Variants in PKIB observed in about 807,000 individuals in gnomAD.
PKIB encodes the protein PKI-beta.
In PKIB, 2 loss-of-function variants were observed where a neutral mutation model predicts 4.5. The observed-to-expected ratio is 0.44, with a 90% CI of 0.18 to 1.39. PKIB has a LOEUF of 1.39. Among genes scored for constraint, PKIB ranks in the 40% most tolerant of loss-of-function variants. The pLI, the probability that PKIB is intolerant of heterozygous loss-of-function variation, is 0.27. For missense variants in PKIB, 94 were observed against 92.6 expected (o/e 1.02, Z -0.06); for synonymous variants, 38 against 36.0 (o/e 1.06, Z -0.20).
At chr6:122,658,664 G>A (rs1404595062) in intron 2 of PKIB, among the ~76,000 whole-genome samples, 2 of 151,572 alleles carry the variant, frequency 1.3e-5, no homozygotes, top group Admixed American at 1.3e-4. Flanking sequence ...TCTGGGCAGA[G>A]GTCTTTCTGA....
At chr6:122,670,022 C>T (rs1777391549) in intron 2 of PKIB, among the ~76,000 whole-genome samples, 1 of 151,244 alleles carries the variant, frequency 6.6e-6, no homozygotes, top group Non-Finnish European at 1.5e-5. Flanking sequence ...GATGCAGGCC[C>T]CTTCTATCTA....
intron 2 of PKIB, among the ~76,000 whole-genome samples, chr6:122,667,812 G>A (rs1777292677): frequency 6.6e-6 from 1 of 152,164 alleles, no homozygotes. Flanking sequence ...AAAAAGTAAA[G>A]AGAAGCTCTT....
At chr6:122,563,632 T>C (rs748472175) in intron 2 of PKIB, among the ~76,000 whole-genome samples, 21 of 152,040 alleles carry the variant, frequency 1.4e-4, no homozygotes, top group Non-Finnish European at 1.3e-4. Context: ...GGGTGGGTCT[T>C]GCTGCGGCTG....
intron 4 of PKIB, among the ~76,000 whole-genome samples, chr6:122,720,589 C>T (rs567023928): frequency 2.3e-4 from 35 of 151,860 alleles, no homozygotes; most frequent in African/African-American, 8.0e-4. Flanking sequence ...AAATTTTTGT[C>T]TTCAGGATGC....
chr6:122,664,932 A>G (rs1290177050), intron 2 of PKIB, among the ~76,000 whole-genome samples: 1 of 152,214 alleles, frequency 6.6e-6, no homozygotes, highest in Non-Finnish European at 1.5e-5. Context: ...TTTAAAATTC[A>G]AATTTGGACT....
intron 2 of PKIB, among the ~76,000 whole-genome samples, chr6:122,522,678 C>G (rs1045935138): frequency 6.6e-6 from 1 of 152,160 alleles, no homozygotes; most frequent in African/African-American, 2.4e-5. Context: ...TTCCCCAACC[C>G]CTTTTGCTTC....
intron 2 of PKIB, among the ~76,000 whole-genome samples, chr6:122,650,589 T>G (rs1776513483): frequency 6.6e-6 from 1 of 152,184 alleles, no homozygotes; most frequent in Non-Finnish European, 1.5e-5. Flanking sequence ...AATCTTGTCT[T>G]TGATGATTAA....
intron 2 of PKIB, among the ~76,000 whole-genome samples, chr6:122,508,731 A>G (rs1408030729): frequency 6.6e-6 from 1 of 152,116 alleles, no homozygotes; most frequent in African/African-American, 2.4e-5. Context: ...TTGAATTTGA[A>G]ACAATATTAA....
chr6:122,662,269 C>A (rs1239034951), intron 2 of PKIB, among the ~76,000 whole-genome samples: 3 of 135,638 alleles, frequency 2.2e-5, no homozygotes, highest in African/African-American at 8.1e-5. Context: ...TTGCCTAAAC[C>A]AAGGTCTCTT....
intron 2 of PKIB, among the ~76,000 whole-genome samples, chr6:122,665,070 G>C (rs1430810): frequency 0.29 from 43,684 of 151,930 alleles, 6,935 homozygotes; most frequent in Middle Eastern, 0.35. Flanking sequence ...TCCAGTTCTA[G>C]AAAGATCATG....
chr6:122,722,466 A>G (rs75848200), intron 4 of PKIB, among the ~76,000 whole-genome samples: 4,916 of 152,250 alleles, frequency 0.032, 135 homozygotes, highest in Admixed American at 0.045. Context: ...GGGACTTCAT[A>G]TCATCTTCTG....
intron 2 of PKIB, among the ~76,000 whole-genome samples, chr6:122,671,674 T>C (rs976038674): frequency 2.6e-5 from 4 of 152,214 alleles, no homozygotes; most frequent in Non-Finnish European, 2.9e-5. Flanking sequence ...CAGGGTTAAA[T>C]CTGTATTTAA....
chr6:122,532,250 G>T (rs1199087375), intron 2 of PKIB, among the ~76,000 whole-genome samples: 2 of 152,162 alleles, frequency 1.3e-5, no homozygotes, highest in African/African-American at 4.8e-5. Flanking sequence ...GGGGAACTAA[G>T]TAATTAATTC....
chr6:122,489,110 G>A (rs535754466), intron 2 of PKIB, among the ~76,000 whole-genome samples: 20 of 152,022 alleles, frequency 1.3e-4, no homozygotes, highest in Non-Finnish European at 2.6e-4. Context: ...AGTTTCCTTG[G>A]TCCTAAAGTT....
At chr6:122,484,069 G>A (rs1330194783) in intron 2 of PKIB, 1 of 151,834 alleles carries the variant, frequency 6.6e-6, no homozygotes, top group Non-Finnish European at 1.5e-5. Flanking sequence ...ACCTAACCTA[G>A]TGCTTGACAT....
intron 1 of PKIB, among the ~76,000 whole-genome samples, chr6:122,474,139 A>G (rs1032013300): frequency 1.3e-5 from 2 of 152,176 alleles, no homozygotes; most frequent in Non-Finnish European, 2.9e-5. Context: ...GTCTCAAAAC[A>G]AACAAACAAA....
At chr6:122,514,650 A>G (rs1018838888) in intron 2 of PKIB, among the ~76,000 whole-genome samples, 2 of 152,210 alleles carry the variant, frequency 1.3e-5, no homozygotes, top group African/African-American at 4.8e-5. Context: ...TTCCATAGAT[A>G]CCAAGATAGG....
rs572121578 is a variant in PKIB at position 122,707,288 on chromosome 6, C to T, written c.-8-10499C>T. On this transcript the variant is annotated intron_variant, in intron 3 of 4. Coordinates refer to ENST00000368452, the MANE Select transcript of PKIB (RefSeq NM_181795.3). ...TGATTGAATTTTTTGCTTGCTGCAA[C>T]GTTATAATGATTTCTTCTGTAAAGT... 4.0e-5 allele frequency among the ~76,000 whole-genome samples: 6 copies of T among 151,804 alleles called. 1 individual carries two copies. In the East Asian group the frequency reaches 9.7e-4, roughly 24 times the overall value.
At chr6:122,711,678 T>A (rs553268847) in intron 3 of PKIB, among the ~76,000 whole-genome samples, 2 of 152,308 alleles carry the variant, frequency 1.3e-5, no homozygotes, top group South Asian at 2.1e-4. Context: ...TTTTTTATCA[T>A]TAACAACATT....
Sources: allele counts gnomAD v4.1 joint callset (sites outside exome capture counted in the v4.1 genomes callset), GRCh38; gene constraint gnomAD v4.1.1; transcripts MANE v1.5; gene names NCBI Gene and HGNC (gene_info 2026-07-23, HGNC 2026-07-21).